Variants in PCDH15 observed in about 807,000 individuals in gnomAD.
PCDH15 encodes protocadherin-15.
PCDH15 carries 129 observed loss-of-function variants against 178.5 expected under a neutral mutation model. The ratio of observed to expected loss-of-function variants is 0.72; its 90% confidence interval spans 0.63 to 0.84. The LOEUF (loss-of-function observed/expected upper bound fraction) is 0.84. Among genes scored for constraint, PCDH15 ranks in the 40% least tolerant of loss-of-function variants. The pLI is 0.00. For synonymous variants in PCDH15, 800 were observed against 732.0 expected (o/e 1.09, Z -1.50); for missense variants, 2,230 against 2,099.9 (o/e 1.06, Z -1.21).
chr10:54,508,313 G>A (rs1379518589), intron 3 of PCDH15, among the ~76,000 whole-genome samples: 1 of 151,928 alleles, frequency 6.6e-6, no homozygotes, highest in Non-Finnish European at 1.5e-5. Flanking sequence ...ATGGTTAAGG[G>A]CAATGCTCTT....
chr10:53,890,381 GT>G (rs1554846460), intron 26 of PCDH15, among the ~76,000 whole-genome samples: 1 of 151,954 alleles, frequency 6.6e-6, no homozygotes, highest in Admixed American at 6.6e-5. Flanking sequence ...AGCTGAGATG[GT>G]GCCACTGCAT....
chr10:54,362,507 A>G lies in PCDH15; in HGVS notation c.474+6613T>C, dbSNP rs889401201. Reference sequence around the variant, plus strand: ...TAATACTCACCTTCCTAAATTGTGAATGGCATTTTAAATGTAAATTTATGA... The same window carrying G: ...TAATACTCACCTTCCTAAATTGTGAGTGGCATTTTAAATGTAAATTTATGA... On this transcript the variant is annotated intron_variant, in intron 5 of 37. Coordinates refer to ENST00000644397, the MANE Select transcript of PCDH15 (RefSeq NM_001384140.1). 4.6e-5 allele frequency among the ~76,000 whole-genome samples: 7 copies of G among 152,218 alleles called. No individual in the cohort carries two copies. In the East Asian group the frequency reaches 1.2e-3, roughly 25 times the overall value.
intron 2 of PCDH15, among the ~76,000 whole-genome samples, chr10:54,642,699 A>C (rs566882856): frequency 3.9e-5 from 6 of 152,192 alleles, no homozygotes; most frequent in Non-Finnish European, 7.3e-5. Flanking sequence ...GTCAGTTTAG[A>C]GGTTACAGTT....
At chr10:53,893,315 G>T (rs1217368044) in intron 26 of PCDH15, among the ~76,000 whole-genome samples, 6 of 152,222 alleles carry the variant, frequency 3.9e-5, no homozygotes, top group Non-Finnish European at 7.3e-5. Flanking sequence ...CCACAGGGAA[G>T]TCCAGGGTGA....
chr10:55,501,850 A>G (rs1446883609), intron 2 of PCDH15, among the ~76,000 whole-genome samples: 2 of 151,820 alleles, frequency 1.3e-5, no homozygotes, highest in Non-Finnish European at 2.9e-5. Flanking sequence ...TCAATTAATC[A>G]GTAATTCCAT....
At chr10:54,350,324 G>C (rs1384299786) in intron 5 of PCDH15, among the ~76,000 whole-genome samples, 1 of 152,130 alleles carries the variant, frequency 6.6e-6, no homozygotes, top group Non-Finnish European at 1.5e-5. Context: ...GGTGAGGTTT[G>C]CTCTCCTCCA....
intron 1 of PCDH15, among the ~76,000 whole-genome samples, chr10:55,307,507 C>CAA (rs768595082): frequency 7.6e-6 from 1 of 130,940 alleles, no homozygotes; most frequent in African/African-American, 2.8e-5. Flanking sequence ...GACTCCATCT[C>CAA]AAAAAAAAAA....
intron 2 of PCDH15, among the ~76,000 whole-genome samples, chr10:55,480,494 G>T (rs533803069): frequency 1.3e-5 from 2 of 151,398 alleles, no homozygotes; most frequent in African/African-American, 4.8e-5. Flanking sequence ...TTATTTTAAG[G>T]TTTGTTCTTT....
chr10:55,378,558 G>T (rs1308413805), intron 2 of PCDH15, among the ~76,000 whole-genome samples: 1 of 152,058 alleles, frequency 6.6e-6, no homozygotes, highest in Non-Finnish European at 1.5e-5. Flanking sequence ...CCTCATTTTT[G>T]ATTCACACCA....
intron 2 of PCDH15, among the ~76,000 whole-genome samples, chr10:55,604,121 A>T (rs1194876898): frequency 1.9e-5 from 2 of 104,836 alleles, no homozygotes; most frequent in Non-Finnish European, 1.9e-5. Context: ...CAGACTTTAA[A>T]CCAACAAAGA....
chr10:54,134,171 G>C (rs745850364), intron 14 of PCDH15, among the ~76,000 whole-genome samples: 2 of 134,114 alleles, frequency 1.5e-5, no homozygotes, highest in African/African-American at 2.6e-5. Flanking sequence ...AGCCTCCCAA[G>C]TAGCTGGGAT....
intron 3 of PCDH15, among the ~76,000 whole-genome samples, chr10:54,422,759 A>G (rs1955706665): frequency 1.3e-5 from 2 of 152,194 alleles, no homozygotes; most frequent in Admixed American, 1.3e-4. Context: ...CAGCATTATG[A>G]AATCAACATA....
intron 10 of PCDH15, among the ~76,000 whole-genome samples, chr10:54,201,249 CTA>C (rs775338799): frequency 1.1e-4 from 17 of 152,134 alleles, no homozygotes; most frequent in Non-Finnish European, 2.1e-4. Flanking sequence ...AAGAAATATT[CTA>C]TGTTAGTAAA....
At chr10:55,310,782 C>G (rs1843566681) in intron 1 of PCDH15, among the ~76,000 whole-genome samples, 1 of 152,100 alleles carries the variant, frequency 6.6e-6, no homozygotes, top group South Asian at 2.1e-4. Context: ...GTACAGGAAA[C>G]CAAATACTGC....
chr10:54,992,236 C>G (rs540862015), intron 2 of PCDH15, among the ~76,000 whole-genome samples: 1 of 152,122 alleles, frequency 6.6e-6, no homozygotes, highest in Admixed American at 6.5e-5. Flanking sequence ...CACCACACTG[C>G]CATTTGATCA....
intron 3 of PCDH15, among the ~76,000 whole-genome samples, chr10:54,384,398 A>C (rs571886955): frequency 6.6e-6 from 1 of 151,916 alleles, no homozygotes; most frequent in Non-Finnish European, 1.5e-5. Flanking sequence ...CAACTGTAGA[A>C]AGTTGTTGTT....
chr10:53,837,412 T>G (rs2077369081), intron 29 of PCDH15, among the ~76,000 whole-genome samples: 1 of 152,138 alleles, frequency 6.6e-6, no homozygotes, highest in East Asian at 1.9e-4. Flanking sequence ...CCAAACAAAA[T>G]AAGTTATTAA....
intron 2 of PCDH15, among the ~76,000 whole-genome samples, chr10:55,577,637 G>C (rs1842521934): frequency 6.6e-6 from 1 of 151,888 alleles, no homozygotes; most frequent in South Asian, 2.1e-4. Flanking sequence ...CATATTCCTG[G>C]TAAAAGACAA....
In PCDH15 at chr10:54,537,782, G is replaced by GT. The variant is rs986194492; in HGVS notation, c.92-9906dup. On this transcript the variant is annotated intron_variant, in intron 2 of 37. Transcript: ENST00000644397. ...CTGTGCAGCATTACCAGCATCTTTT[G>GT]TTTTTTGACTTCTTAATAATAGCAT... 9.2e-5 allele frequency among the ~76,000 whole-genome samples: 14 copies of GT among 151,874 alleles called. 1 individual carries two copies. The highest frequency in any genetic ancestry group is 2.1e-4 in the South Asian group (1 of 4,810).
Sources: gnomAD v4.1 joint callset for allele counts (sites outside exome capture counted in the v4.1 genomes callset) on GRCh38, gnomAD v4.1.1 for gene constraint, MANE v1.5 for transcripts, NCBI Gene and HGNC (gene_info 2026-07-23, HGNC 2026-07-21) for gene names.